The following WWOX variants were observed in gnomAD, a reference collection of about 807,000 sequenced individuals.
WWOX encodes the protein WW domain containing oxidoreductase, also known as WW domain-containing oxidoreductase.
In WWOX, 69 loss-of-function variants were observed where a neutral mutation model predicts 46.2. The observed-to-expected ratio is 1.49, with a 90% CI of 1.23 to 1.82. The LOEUF is 1.82. WWOX is among the 40% of genes most tolerant of loss of function. The pLI is 0.00. For missense variants in WWOX, 919 were observed against 542.6 expected (o/e 1.69, Z -6.89); for synonymous variants, 359 against 202.6 (o/e 1.77, Z -6.56).
At chr16:78,494,140 AAG>A (rs1405046540) in intron 8 of WWOX, among the ~76,000 whole-genome samples, 3 of 152,158 alleles carry the variant, frequency 2.0e-5, no homozygotes, top group African/African-American at 2.4e-5. Flanking sequence ...GCAGTGGAGG[AAG>A]AGAGAAAGTA....
At chr16:79,204,412 G>A (rs1354997784) in intron 8 of WWOX, 1 of 152,030 alleles carries the variant, frequency 6.6e-6, no homozygotes, top group African/African-American at 2.4e-5. Flanking sequence ...TCCCTCGTTA[G>A]GAGTACCCTC....
intron 8 of WWOX, among the ~76,000 whole-genome samples, chr16:78,702,387 C>G (rs919573201): frequency 6.6e-6 from 1 of 151,878 alleles, no homozygotes; most frequent in Non-Finnish European, 1.5e-5. Context: ...TGGTAGCTCA[C>G]GCCTGTAATT....
chr16:78,148,172 A>T (rs1057437904), intron 4 of WWOX, among the ~76,000 whole-genome samples: 12 of 152,296 alleles, frequency 7.9e-5, no homozygotes, highest in African/African-American at 2.9e-4. Flanking sequence ...TAATTCATCA[A>T]AATAAAAAAG....
At chr16:78,879,323 C>A (rs1385060787) in intron 8 of WWOX, among the ~76,000 whole-genome samples, 1 of 151,998 alleles carries the variant, frequency 6.6e-6, no homozygotes, top group African/African-American at 2.4e-5. Context: ...AATGGTGGAC[C>A]CTCTGATGTT....
intron 5 of WWOX, among the ~76,000 whole-genome samples, chr16:78,365,832 C>T (rs527518479): frequency 6.6e-6 from 1 of 152,174 alleles, no homozygotes; most frequent in Non-Finnish European, 1.5e-5. Context: ...TTGCAACTCT[C>T]TTTTCTCCAG....
At chr16:78,694,646 A>T (rs903262428) in intron 8 of WWOX, among the ~76,000 whole-genome samples, 8 of 152,214 alleles carry the variant, frequency 5.3e-5, no homozygotes, top group African/African-American at 1.2e-4. Context: ...GCCCATGTAA[A>T]TACTGGAAAT....
rs760130115 is a variant in WWOX at position 78,983,870 on chromosome 16, C to CTTTTTTTTTTT, written c.1057-227725_1057-227715dup. On this transcript the variant is annotated intron_variant, in intron 8 of 8. Coordinates refer to ENST00000566780, the MANE Select transcript of WWOX (RefSeq NM_016373.4). ...CAGTCCATCTGTTATGAGAGCTATTCTTTTTTTTTTTTTTTTTTTTTTTGT... is the reference window on the plus strand; with the variant it reads ...CAGTCCATCTGTTATGAGAGCTATTCTTTTTTTTTTTTTTTTTTTTTTTTTTTTTTTTTTGT... Among the ~76,000 whole-genome samples, 26 of 79,858 alleles carry CTTTTTTTTTTT rather than the reference C, an allele frequency of 3.3e-4. 1 individual carries two copies. Among genetic ancestry groups the CTTTTTTTTTTT allele is most frequent in the Non-Finnish European group, 4.2e-4 (19 of 45,330 alleles). 52.4% of individuals were successfully genotyped at this position (79,858 alleles called of 152,430 possible).
intron 8 of WWOX, among the ~76,000 whole-genome samples, chr16:79,126,039 A>G (rs1159191361): frequency 6.6e-6 from 1 of 152,198 alleles, no homozygotes; most frequent in African/African-American, 2.4e-5. Context: ...ATGGATAAAC[A>G]TGTACAAAAT....
intron 8 of WWOX, among the ~76,000 whole-genome samples, chr16:79,120,468 A>C (rs1323612312): frequency 6.6e-6 from 1 of 152,176 alleles, no homozygotes; most frequent in Non-Finnish European, 1.5e-5. Context: ...ATTAGCAGCA[A>C]AATATATCTC....
chr16:78,368,311 C>A (rs995973881), intron 5 of WWOX, among the ~76,000 whole-genome samples: 3 of 152,160 alleles, frequency 2.0e-5, no homozygotes, highest in African/African-American at 7.2e-5. Flanking sequence ...ACAGGTGATA[C>A]TTAAGTTAAC....
At chr16:78,464,367 G>C (rs2738662) in intron 8 of WWOX, among the ~76,000 whole-genome samples, 1 of 151,832 alleles carries the variant, frequency 6.6e-6, no homozygotes, top group Non-Finnish European at 1.5e-5. Flanking sequence ...GAGAGGGAAG[G>C]AGGCACAGAG....
At chr16:78,534,774 A>G (rs1323914418) in intron 8 of WWOX, among the ~76,000 whole-genome samples, 1 of 151,916 alleles carries the variant, frequency 6.6e-6, no homozygotes, top group Non-Finnish European at 1.5e-5. Flanking sequence ...CAGTGGCACA[A>G]TCTCAGCTCA....
intron 8 of WWOX, among the ~76,000 whole-genome samples, chr16:78,922,955 T>A (rs1380032480): frequency 6.6e-6 from 1 of 150,748 alleles, no homozygotes; most frequent in Non-Finnish European, 1.5e-5. Flanking sequence ...AAATATTCCA[T>A]ATTCAGGAGG....
chr16:78,835,153 G>A (rs540943425), intron 8 of WWOX, among the ~76,000 whole-genome samples: 3 of 152,208 alleles, frequency 2.0e-5, no homozygotes, highest in East Asian at 1.9e-4. Flanking sequence ...ATCTTGCTCC[G>A]ACAGCCTTGC....
At chr16:78,811,775 C>T (rs759021482) in intron 8 of WWOX, among the ~76,000 whole-genome samples, 19 of 152,074 alleles carry the variant, frequency 1.2e-4, no homozygotes, top group African/African-American at 4.1e-4. Flanking sequence ...ACCCAGATAC[C>T]ATCCCACTGA....
chr16:78,672,594 A>G (rs1360284972), intron 8 of WWOX, among the ~76,000 whole-genome samples: 1 of 152,218 alleles, frequency 6.6e-6, no homozygotes, highest in East Asian at 1.9e-4. Flanking sequence ...AATTGCCTGT[A>G]ATGGGTTCTT....
chr16:78,214,689 A>G (rs1341428258), intron 5 of WWOX, among the ~76,000 whole-genome samples: 2 of 152,204 alleles, frequency 1.3e-5, no homozygotes, highest in South Asian at 2.1e-4. Context: ...CTTTCTTTGT[A>G]ACCTTAATGC....
At chr16:78,427,279 A>T (rs1024386656) in intron 7 of WWOX, among the ~76,000 whole-genome samples, 7 of 152,228 alleles carry the variant, frequency 4.6e-5, no homozygotes, top group Admixed American at 3.3e-4. Context: ...AAGGCAAAAT[A>T]TTTATTAGCC....
At chr16:79,136,727 A>T (rs1315729836) in intron 8 of WWOX, among the ~76,000 whole-genome samples, 1 of 152,216 alleles carries the variant, frequency 6.6e-6, no homozygotes, top group Non-Finnish European at 1.5e-5. Context: ...TATGTGGCTA[A>T]GCCTCAGCTT....
Sources: allele counts gnomAD v4.1 joint callset (sites outside exome capture counted in the v4.1 genomes callset), GRCh38; gene constraint gnomAD v4.1.1; transcripts MANE v1.5; gene names NCBI Gene and HGNC (gene_info 2026-07-23, HGNC 2026-07-21).